Variants in SIPA1L1 observed in about 807,000 individuals in gnomAD.
The protein encoded by SIPA1L1 is signal induced proliferation associated 1 like 1.
SIPA1L1 carries 26 observed loss-of-function variants against 162.7 expected under a neutral mutation model. That is an observed-to-expected ratio of 0.16 (90% CI 0.12 to 0.22). The LOEUF is 0.22. Ranked by LOEUF, SIPA1L1 falls within the 10% of genes least tolerant of loss-of-function variation. The probability of loss-of-function intolerance (pLI) is 1.00; values close to 1 mark genes in which losing one functional copy is unlikely to be tolerated. For synonymous variants in SIPA1L1, 829 were observed against 837.4 expected, an observed-to-expected ratio of 0.99 and a Z score of 0.17; for missense variants, 1,874 against 2,241.0, an observed-to-expected ratio of 0.84 and a Z score of 3.31.
chr14:71,389,907 C>A (rs527792014), intron 2 of SIPA1L1, among the ~76,000 whole-genome samples: 1 of 152,162 alleles, frequency 6.6e-6, no homozygotes, highest in African/African-American at 2.4e-5. Flanking sequence ...CAAGTGCATT[C>A]GCTGGTACTA....
intron 3 of SIPA1L1, among the ~76,000 whole-genome samples, chr14:71,524,098 T>G (rs151107981): frequency 8.0e-4 from 122 of 151,846 alleles, no homozygotes; most frequent in Admixed American, 2.1e-3. Context: ...GATGAATATA[T>G]GTATGTATAC....
At chr14:71,357,032 T>C (rs1289924568) in intron 2 of SIPA1L1, among the ~76,000 whole-genome samples, 1 of 152,112 alleles carries the variant, frequency 6.6e-6, no homozygotes. Context: ...GAATTACAAA[T>C]CATGACATTA....
chr14:71,646,116 C>T (rs1034542577), intron 7 of SIPA1L1, among the ~76,000 whole-genome samples: 3 of 151,978 alleles, frequency 2.0e-5, no homozygotes, highest in Admixed American at 6.6e-5. Flanking sequence ...ACTTTATCGT[C>T]CATCTTTCCA....
chr14:71,511,346 G>A (rs1595840995), intron 2 of SIPA1L1, among the ~76,000 whole-genome samples: 2 of 151,984 alleles, frequency 1.3e-5, no homozygotes, highest in East Asian at 3.9e-4. Flanking sequence ...GTAGAGTGGT[G>A]TGAACACAGC....
chr14:71,618,121 A>G (rs1161390782), intron 5 of SIPA1L1, among the ~76,000 whole-genome samples: 1 of 152,256 alleles, frequency 6.6e-6, no homozygotes, highest in Non-Finnish European at 1.5e-5. Context: ...CCCTAGGCTC[A>G]TCGGTCACCT....
intron 4 of SIPA1L1, among the ~76,000 whole-genome samples, chr14:71,546,691 A>G (rs72729933): frequency 1.8e-3 from 271 of 152,226 alleles, no homozygotes; most frequent in Non-Finnish European, 2.9e-3. Flanking sequence ...TATTTATCAA[A>G]TATTTATTGA....
intron 2 of SIPA1L1, among the ~76,000 whole-genome samples, chr14:71,365,089 C>T (rs1223193360): frequency 9.2e-5 from 14 of 151,694 alleles, no homozygotes; most frequent in South Asian, 2.1e-4. Flanking sequence ...TGTAGTAGTG[C>T]GATCACGGCT....
intron 2 of SIPA1L1, among the ~76,000 whole-genome samples, chr14:71,365,907 T>TTTTTTTTAAGAG (rs71105773): frequency 7.1e-6 from 1 of 140,030 alleles, no homozygotes; most frequent in Admixed American, 7.3e-5. Flanking sequence ...TTTTTTTTTT[T>TTTTTTTTAAGAG]AAGAGATGGG....
chr14:71,521,473 G>A (rs2052346530), intron 3 of SIPA1L1, among the ~76,000 whole-genome samples: 2 of 152,190 alleles, frequency 1.3e-5, no homozygotes, highest in African/African-American at 4.8e-5. Flanking sequence ...GGTATAGGGA[G>A]GGTATCTGTG....
intron 4 of SIPA1L1, among the ~76,000 whole-genome samples, chr14:71,561,901 C>G (rs922680587): frequency 6.6e-6 from 1 of 152,146 alleles, no homozygotes; most frequent in African/African-American, 2.4e-5. Flanking sequence ...CTAAATATTT[C>G]CTACTTATTT....
intron 4 of SIPA1L1, among the ~76,000 whole-genome samples, chr14:71,562,277 A>T (rs890321475): frequency 3.0e-4 from 45 of 152,106 alleles, no homozygotes; most frequent in Admixed American, 1.2e-3. Context: ...TCATTTTAGG[A>T]CATAGTAAAT....
chr14:71,529,834 C>T (rs940479933), intron 4 of SIPA1L1, among the ~76,000 whole-genome samples: 9 of 152,204 alleles, frequency 5.9e-5, no homozygotes, highest in East Asian at 1.9e-4. Flanking sequence ...TTCTACCCAG[C>T]GTGGCTCCAA....
chr14:71,717,851 A>C (rs1431410209), intron 17 of SIPA1L1, among the ~76,000 whole-genome samples: 2 of 152,236 alleles, frequency 1.3e-5, no homozygotes, highest in East Asian at 1.9e-4. Flanking sequence ...AACCCAAAAA[A>C]ACATGAGAAT....
intron 7 of SIPA1L1, among the ~76,000 whole-genome samples, chr14:71,645,102 A>G (rs1227304683): frequency 6.6e-6 from 1 of 152,204 alleles, no homozygotes; most frequent in Non-Finnish European, 1.5e-5. Flanking sequence ...CTGCCCGTGC[A>G]CCTTGGCTCA....
chr14:71,500,953 C>CCGAGAT (rs2050162139), intron 2 of SIPA1L1, among the ~76,000 whole-genome samples: 1 of 152,132 alleles, frequency 6.6e-6, no homozygotes, highest in Admixed American at 6.5e-5. Flanking sequence ...TTGCGGTGAC[C>CCGAGAT]CGAGATCGTG....
chr14:71,644,393 C>T (rs1375956680), intron 7 of SIPA1L1, among the ~76,000 whole-genome samples: 1 of 152,170 alleles, frequency 6.6e-6, no homozygotes, highest in Non-Finnish European at 1.5e-5. Flanking sequence ...CCCATGCCAC[C>T]ATACCCACCT....
chr14:71,386,914 C>G (rs1351336569), intron 2 of SIPA1L1, among the ~76,000 whole-genome samples: 1 of 152,086 alleles, frequency 6.6e-6, no homozygotes, highest in East Asian at 1.9e-4. Context: ...AAAATCTTCC[C>G]TATGAACAGT....
At chr14:71,614,124 A>G (rs2038545573) in intron 5 of SIPA1L1, among the ~76,000 whole-genome samples, 1 of 151,858 alleles carries the variant, frequency 6.6e-6, no homozygotes, top group African/African-American at 2.4e-5. Context: ...TGCTTGAACA[A>G]TTGAACTCCT....
At chr14:71,330,462 A>C in intron 2 of SIPA1L1, 8 of 1,604,050 alleles carry the variant, frequency 5.0e-6, no homozygotes, top group Non-Finnish European at 6.8e-6. Flanking sequence ...GGAAATCCAC[A>C]TCATTCACAG....
Sources: allele counts gnomAD v4.1 joint callset (sites outside exome capture counted in the v4.1 genomes callset), GRCh38; gene constraint gnomAD v4.1.1; transcripts MANE v1.5; gene names NCBI Gene and HGNC (gene_info 2026-07-23, HGNC 2026-07-21).